Variants in SCRIB observed in about 807,000 individuals in gnomAD.
SCRIB encodes scribble planar cell polarity protein, also known as protein scribble homolog.
In SCRIB, 72 loss-of-function variants were observed where a neutral mutation model predicts 170.0. The ratio of observed to expected loss-of-function variants is 0.42; its 90% CI spans 0.35 to 0.52. The LOEUF (loss-of-function observed/expected upper bound fraction) is 0.52. SCRIB is among the 20% of genes least tolerant of loss of function. The pLI, the probability that SCRIB is intolerant of heterozygous loss-of-function variation, is 0.02. For synonymous variants in SCRIB, 1,298 were observed against 1,044.3 expected, an observed-to-expected ratio of 1.24 and a Z score of -4.68; for missense variants, 2,475 against 2,338.5, an observed-to-expected ratio of 1.06 and a Z score of -1.20.
chr8:143,791,875 C>T lies in SCRIB; in HGVS notation c.4695+1G>A. On this transcript the variant is annotated splice_donor_variant, in intron 34 of 36. Transcript: ENST00000356994. LOFTEE classifies it high-confidence loss of function. ...GGAAGGCATAGCCACCGGCTCCTCACCAGGCGTCCCGGGGAGGTGCTGGTC... is the reference window on the plus strand; with the variant it reads ...GGAAGGCATAGCCACCGGCTCCTCATCAGGCGTCCCGGGGAGGTGCTGGTC... The T allele has an allele frequency of 6.5e-7, 1 of 1,529,968 alleles. No homozygotes were observed. The highest frequency in any genetic ancestry group is 1.4e-5 in the African/African-American group (1 of 71,908). The allele number at this position is 1,529,968 out of a possible 1,614,324, so 94.8% of individuals were successfully genotyped here.
Position 143,809,660 on chromosome 8 carries a change from G to T in SCRIB, c.1589C>A (p.Thr530Lys). ...GCCCTCGGGCTCAGCCTCAGAGACTGTGCTGGCAGATGGGCGAGAGTCTTC... is the reference window on the plus strand; with the variant it reads ...GCCCTCGGGCTCAGCCTCAGAGACTTTGCTGGCAGATGGGCGAGAGTCTTC... Reference protein sequence around the residue: ...LSEDSRPSASTVSEAEPEGPS... With the variant: ...LSEDSRPSASKVSEAEPEGPS... Residue 530 changes from threonine to lysine, a missense_variant, in exon 14 of 37, where the codon ACA (threonine) becomes AAA (lysine). Thr to Lys is a moderately conservative substitution (Grantham distance 78). Around this residue, in one of 3 missense-constraint regions of SCRIB, gnomAD observed 1,966 missense variants for 1,742.9 expected, o/e 1.13. Transcript: ENST00000356994. The T allele has an allele frequency of 6.2e-7, 1 of 1,611,454 alleles. No individual in the cohort carries two copies.
chr8:143,791,752 A>G lies in SCRIB; in HGVS notation c.4696-12T>C. Reference sequence around the variant, plus strand: ...TTTCCAGACAAGGGCTTGAAAGGACAGCGTGAGGGGAGAGGCAGAGAGTGA... The same window carrying G: ...TTTCCAGACAAGGGCTTGAAAGGACGGCGTGAGGGGAGAGGCAGAGAGTGA... On this transcript the variant is annotated splice_polypyrimidine_tract_variant and intron_variant, in intron 34 of 36. Coordinates refer to ENST00000356994, the MANE Select transcript of SCRIB (RefSeq NM_182706.5). The G allele has an allele frequency of 6.4e-7, 1 of 1,555,186 alleles. No homozygotes were observed.
Position 143,793,808 on chromosome 8 carries a change from C to T in SCRIB, c.3909+92G>A. 3 of 1,311,668 alleles carry T rather than the reference C, an allele frequency of 2.3e-6. No individual in the cohort carries two copies. In the South Asian group the frequency reaches 3.8e-5, roughly 16 times the overall value. 81.3% of individuals were successfully genotyped at this position (1,311,668 alleles called of 1,614,324 possible). A position where few individuals can be genotyped will look rare whatever the true frequency, so the allele number is the denominator to read the frequency against. ...CAGCACCCCACGATGGCCCCTGACC[C>T]CCCATCCCTGGAGGAGGGGCCCTGT... On this transcript the variant is annotated intron_variant, in intron 28 of 36. Transcript: ENST00000356994.
chr8:143,808,777 G>C lies in SCRIB; in HGVS notation c.1947C>G (p.Pro649=). 1 of 1,611,128 alleles carries C rather than the reference G, an allele frequency of 6.2e-7. No individual in the cohort carries two copies. The highest frequency in any genetic ancestry group is 8.5e-7 in the Non-Finnish European group (1 of 1,178,428). The change falls in exon 15 of 37, where the codon CCC becomes CCG. Residue 649 remains proline (P), a synonymous_variant. Coordinates refer to ENST00000356994, the MANE Select transcript of SCRIB (RefSeq NM_182706.5). ...GGGCCCGAGGAGCCCAGGGTGCGTG[G>C]GGGCCATTGTGCCAGCCCCCGGGAG... ...PVAPGGWHNG[P]HAPWAPRAQK... is the part of the protein sequence containing the mutation.
intron 24 of SCRIB, among the ~76,000 whole-genome samples, chr8:143,801,675 G>A (rs1433842477): frequency 6.6e-6 from 1 of 152,208 alleles, no homozygotes; most frequent in Non-Finnish European, 1.5e-5. Context: ...GGCGGACAGC[G>A]AGCCCCCGGG....
At chr8:143,814,244 C>G in intron 1 of SCRIB, 126 bp from the exon 2 acceptor site, 1 of 765,314 alleles carries the variant, frequency 1.3e-6, no homozygotes, top group South Asian at 1.7e-5. Flanking sequence ...CACACCGGGT[C>G]CTGGGGTCTA....
chr8:143,796,427 C>G lies in SCRIB; in HGVS notation c.3604-897G>C, dbSNP rs533183453. Reference sequence around the variant, plus strand: ...CCTGTACTGTTGGTTAAAAACACAGCTGAAATGGTAAGTAAGGGGCAGGCA... The same window carrying G: ...CCTGTACTGTTGGTTAAAAACACAGGTGAAATGGTAAGTAAGGGGCAGGCA... On this transcript the variant is annotated intron_variant, in intron 24 of 36. Transcript: ENST00000356994. Among the ~76,000 whole-genome samples the G allele has an allele frequency of 1.4e-3, 206 of 152,270 alleles. 3 individuals carry two copies. Among genetic ancestry groups the G allele is most frequent in the African/African-American group, 4.7e-3 (197 of 41,558 alleles).
At position 143,800,110 on chromosome 8, in the gene SCRIB, T is replaced by C. The variant is rs546828297; in HGVS notation, c.3603+3273A>G. Among the ~76,000 whole-genome samples the C allele has an allele frequency of 1.8e-4, 25 of 135,606 alleles. No homozygotes were observed. The East Asian group carries it at 4.5e-3, about 25-fold the overall frequency. 89.0% of individuals were successfully genotyped at this position (135,606 alleles called of 152,430 possible). A position where few individuals can be genotyped will look rare whatever the true frequency, so the allele number is the denominator to read the frequency against. ...GCACCGGCCTGGCCGTGCCACGTCC[T>C]CTGAGCTTTCTGTGAGAAGCCAGGA... On this transcript the variant is annotated intron_variant, in intron 24 of 36. Coordinates refer to ENST00000356994, the MANE Select transcript of SCRIB (RefSeq NM_182706.5).
At position 143,810,712 on chromosome 8, in the gene SCRIB, C is replaced by T. The variant is rs766586580; in HGVS notation, c.1378G>A (p.Ala460Thr). 8.1e-6 allele frequency: 13 copies of T among 1,605,154 alleles called. No individual in the cohort carries two copies. Among genetic ancestry groups the T allele is most frequent in the Middle Eastern group, 1.7e-4 (1 of 6,060 alleles). The change falls in exon 12 of 37, where the codon GCT becomes ACT. Residue 460 changes from alanine to threonine, a missense_variant. This residue lies in a region of SCRIB where 1,966 missense variants were observed against 1,742.9 expected (regional missense o/e 1.13). Transcript: ENST00000356994. ...FLEAPIGDED[A>T]EEAAAEKRGL... ...CGCTTCTCAGCTGCAGCTTCCTCAG[C>T]GTCCTCATCACCTATGGGGGCCTCC...
At chr8:143,812,721 C>T in intron 8 of SCRIB, 96 bp downstream of exon 8, 1 of 1,462,472 alleles carries the variant, frequency 6.8e-7, no homozygotes, top group South Asian at 1.3e-5. Context: ...TCAGGATCCT[C>T]CCCTGTGTTC....
rs1814900198 is a variant in SCRIB at position 143,795,403 on chromosome 8, C to A, written c.3714+17G>T. On this transcript the variant is annotated intron_variant, in intron 25 of 36. Transcript: ENST00000356994. The stretch of plus-strand genomic sequence containing the variant: ...GGCTCCCTGGCCCTGGGGCTGCCGG[C>A]TGCAGGCACCTCTGACCTTGCCTGG... The A allele has an allele frequency of 6.2e-7, 1 of 1,612,446 alleles. No individual in the cohort carries two copies. Among genetic ancestry groups the A allele is most frequent in the Non-Finnish European group, 8.5e-7 (1 of 1,179,508 alleles).
At position 143,806,921 on chromosome 8, in the gene SCRIB, C is replaced by T. The variant is rs781954864; in HGVS notation, c.2268+3G>A. ...CGGAAAGGCCCTCCTAGGCAGTGCT[C>T]ACCTCGTCGTCCCCCTTATAGGGTG... On this transcript the variant is annotated splice_donor_region_variant and intron_variant, in intron 17 of 36. Transcript: ENST00000356994. The T allele has an allele frequency of 1.2e-5, 19 of 1,605,272 alleles. No homozygotes were observed. The East Asian group carries it at 2.9e-4, about 25-fold the overall frequency.
chr8:143,805,178 G>T lies in SCRIB; in HGVS notation c.2604C>A (p.Ser868Arg), dbSNP rs767046372. 3.2e-6 allele frequency: 5 copies of T among 1,573,726 alleles called. No individual in the cohort carries two copies. The highest frequency in any genetic ancestry group is 4.3e-6 in the Non-Finnish European group (5 of 1,159,608). ...RQRHVACLAR[S>R]ERGLGFSIAG... ...CAATGCTGAAGCCCAGCCCCCTCTC[G>T]CTGCGTGCCAGGCAGGCCACGTGGC... The change falls in exon 19 of 37, where the codon AGC becomes AGA. Residue 868 changes from serine (S) to arginine (R), a missense_variant. By Grantham distance (110) the Ser-to-Arg change is moderately radical. Transcript: ENST00000356994.
chr8:143,806,419 G>A lies in SCRIB; in HGVS notation c.2334C>T (p.Asp778=). Residue 778 remains aspartate (D), a synonymous_variant, in exon 18 of 37, where the codon GAC becomes GAT. Coordinates refer to ENST00000356994, the MANE Select transcript of SCRIB (RefSeq NM_182706.5). ...GTTGCCGACTCACCTCCAGGAGCTT[G>A]TCACCCACACGGACTCCAGCCCGGG... ...PAARAGVRVG[D]KLLEVNGVAL... 1 of 1,605,092 alleles carries A rather than the reference G, an allele frequency of 6.2e-7. No homozygotes were observed. Among genetic ancestry groups the A allele is most frequent in the Non-Finnish European group, 8.5e-7 (1 of 1,175,656 alleles).
chr8:143,809,403 G>A (rs940471159), intron 14 of SCRIB, 148 bp downstream of exon 14: 34 of 927,534 alleles, frequency 3.7e-5, no homozygotes, highest in African/African-American at 2.6e-4. Flanking sequence ...TGCACCACCC[G>A]TAGCCACTCT....
chr8:143,809,091 T>A, intron 14 of SCRIB, 66 bp from the exon 15 acceptor site: 23 of 1,536,422 alleles, frequency 1.5e-5, no homozygotes, highest in Non-Finnish European at 2.0e-5. Flanking sequence ...AAGACCCTAC[T>A]AAACAGTGTG....
At chr8:143,812,530 G>A (rs1815787872) in intron 8 of SCRIB, 146 bp from the exon 9 acceptor site, 4 of 599,868 alleles carry the variant, frequency 6.7e-6, no homozygotes, top group South Asian at 1.7e-5. Context: ...TACCTACCTT[G>A]CCCCACAAGC....
Position 143,815,181 on chromosome 8 carries a change from G to A in SCRIB, c.159+33C>T, listed in dbSNP as rs1011796106. The A allele has an allele frequency of 3.9e-6, 6 of 1,532,132 alleles. No homozygotes were observed. The African/African-American group carries it at 8.5e-5, about 22-fold the overall frequency. The allele number at this position is 1,532,132 out of a possible 1,614,324, so 94.9% of individuals were successfully genotyped here. On this transcript the variant is annotated intron_variant, in intron 1 of 36. Transcript: ENST00000356994. ...CGGAGGAATCACGGGCTGGGGGCGC[G>A]CCTTTGGGCGGCAGGTGCGGGCGGC...
At chr8:143,810,841 C>G in intron 11 of SCRIB, 25 bp from the exon 12 acceptor site, 1 of 1,604,396 alleles carries the variant, frequency 6.2e-7, no homozygotes, top group Non-Finnish European at 8.5e-7. Context: ...CGTCAGGACC[C>G]AGGCTAGTCC....
Sources: allele counts gnomAD v4.1 joint callset (sites outside exome capture counted in the v4.1 genomes callset), GRCh38; gene constraint gnomAD v4.1.1; regional missense constraint gnomAD v4.1.1; transcripts MANE v1.5; gene names NCBI Gene and HGNC (gene_info 2026-07-23, HGNC 2026-07-21).